PUDP: variants seen among roughly 807,000 people sequenced by gnomAD.
PUDP encodes pseudouridine 5'-phosphatase, also known as pseudouridine-5'-phosphatase.
In PUDP, 8 loss-of-function variants were observed where a neutral mutation model predicts 9.4. The ratio of observed to expected loss-of-function variants is 0.85; its 90% CI spans 0.50 to 1.53. The LOEUF is 1.53. PUDP is among the 40% of genes most tolerant of loss of function. PUDP has a pLI of 0.00. For missense variants in PUDP, 188 were observed against 189.7 expected, an observed-to-expected ratio of 0.99 and a Z score of 0.05; for synonymous variants, 99 against 80.7, an observed-to-expected ratio of 1.23 and a Z score of -1.22.
intron 3 of PUDP, among the ~76,000 whole-genome samples, chrX:6,906,050 C>G (rs12006856): frequency 1.8e-5 from 2 of 111,819 alleles, no homozygotes; most frequent in Non-Finnish European, 3.8e-5. Context: ...TCATCAAAAC[C>G]TTTTCATTAT....
intron 3 of PUDP, among the ~76,000 whole-genome samples, chrX:6,904,641 C>T (rs1047239723): frequency 9.0e-5 from 10 of 111,520 alleles, no homozygotes; most frequent in African/African-American, 2.6e-4. Context: ...AGAGGAGCTG[C>T]GGCATTTGGT....
chrX:6,978,484 A>G (rs1168161150), intron 1 of PUDP, among the ~76,000 whole-genome samples: 1 of 112,288 alleles, frequency 8.9e-6, no homozygotes, highest in Non-Finnish European at 1.9e-5. Context: ...TTTTTAATAC[A>G]TGTGTATCGT....
At chrX:6,907,014 C>G (rs1010044624) in intron 3 of PUDP, among the ~76,000 whole-genome samples, 1 of 111,051 alleles carries the variant, frequency 9.0e-6, no homozygotes, top group Non-Finnish European at 1.9e-5. Context: ...CCTCAGTTTA[C>G]TGGTCTCTAC....
intron 3 of PUDP, among the ~76,000 whole-genome samples, chrX:6,906,067 T>C (rs1421657570): frequency 8.9e-6 from 1 of 112,084 alleles, no homozygotes; most frequent in African/African-American, 3.2e-5. Context: ...TTATCTTCCA[T>C]GCGGCCCTAT....
At chrX:6,858,728 T>G (rs1004344810) in intron 3 of PUDP, among the ~76,000 whole-genome samples, 2 of 111,844 alleles carry the variant, frequency 1.8e-5, no homozygotes, top group Admixed American at 9.5e-5. Flanking sequence ...CCCCTGAATT[T>G]ATAGTAAGTT....
intron 3 of PUDP, among the ~76,000 whole-genome samples, chrX:6,750,696 A>G (rs946126633): frequency 1.8e-5 from 2 of 111,751 alleles, no homozygotes; most frequent in African/African-American, 6.5e-5. Context: ...TATAAGATGC[A>G]CTATCGGCTT....
intron 2 of PUDP, among the ~76,000 whole-genome samples, chrX:7,092,578 C>G (rs1427799544): frequency 8.9e-6 from 1 of 112,026 alleles, no homozygotes; most frequent in Non-Finnish European, 1.9e-5. Context: ...AGTCTACTCT[C>G]TAAGGAATCC....
intron 1 of PUDP, among the ~76,000 whole-genome samples, chrX:7,121,745 C>T (rs1932348537): frequency 9.0e-6 from 1 of 111,354 alleles, no homozygotes; most frequent in African/African-American, 3.3e-5. Context: ...GCCAGGGAAC[C>T]CCCTGCGACC....
intron 3 of PUDP, among the ~76,000 whole-genome samples, chrX:6,737,063 T>C (rs143039264): frequency 3.8e-4 from 42 of 110,349 alleles, no homozygotes; most frequent in African/African-American, 1.3e-3. Context: ...GACGAGACAA[T>C]GTAGAGAAAA....
chrX:6,876,417 CAT>C (rs769133510), intron 3 of PUDP, among the ~76,000 whole-genome samples: 1 of 110,467 alleles, frequency 9.1e-6, no homozygotes, highest in Non-Finnish European at 1.9e-5. Flanking sequence ...TGTGTGTGTG[CAT>C]GTGTGTGTGT....
chrX:7,048,478 G>A (rs990568765), downstream of PUDP, among the ~76,000 whole-genome samples: 4 of 112,295 alleles, frequency 3.6e-5, no homozygotes, highest in Non-Finnish European at 7.5e-5. Flanking sequence ...AAAAAAGAAC[G>A]TATGTGCTTT....
At chrX:6,905,594 T>G in intron 3 of PUDP, among the ~76,000 whole-genome samples, 1 of 110,625 alleles carries the variant, frequency 9.0e-6, no homozygotes. Context: ...ATAGGGGAAA[T>G]CCTCCCCCAT....
At chrX:6,991,813 AAAAT>A (rs1254929891) in intron 1 of PUDP, among the ~76,000 whole-genome samples, 3 of 111,820 alleles carry the variant, frequency 2.7e-5, no homozygotes, top group Non-Finnish European at 5.6e-5. Flanking sequence ...CAAAAAAAGA[AAAAT>A]AAATAAAAAG....
At position 6,937,037 on chromosome X, in the gene PUDP, G is replaced by A. The variant is rs1234723616; in HGVS notation, c.*247+40096C>T. 1.6e-3 allele frequency among the ~76,000 whole-genome samples: 168 copies of A among 105,397 alleles called. 1 individual carries two copies. The highest frequency in any genetic ancestry group is 4.1e-3 in the Admixed American group (39 of 9,411). The allele number at this position is 105,397 out of a possible 115,157, so 91.5% of individuals were successfully genotyped here. A position where few individuals can be genotyped will look rare whatever the true frequency, so the allele number is the denominator to read the frequency against. ...CTCATGAGTAGGAAGAATCAATATCGTGAAAATGGCCATACTGCCCAAGGT... is the reference window on the plus strand; with the variant it reads ...CTCATGAGTAGGAAGAATCAATATCATGAAAATGGCCATACTGCCCAAGGT... On this transcript the variant is annotated intron_variant and NMD_transcript_variant, in intron 3 of 3. Coordinates refer to the PUDP transcript ENST00000655425.
rs193238096 is a variant in PUDP, at chrX:6,892,698, T to C, written c.*247+84435A>G. Among the ~76,000 whole-genome samples, 143 of 111,427 alleles carry C rather than the reference T, an allele frequency of 1.3e-3. 1 individual carries two copies. Among genetic ancestry groups the C allele is most frequent in the African/African-American group, 4.4e-3 (135 of 30,712 alleles). ...CCTTCAGTGTGGCTGTATTTGGAGA[T>C]AGGGCCTATGAGAAAGTGATAAAGG... On this transcript the variant is annotated intron_variant and NMD_transcript_variant, in intron 3 of 3. Coordinates refer to the PUDP transcript ENST00000655425.
chrX:6,933,066 A>T (rs1413358810), intron 3 of PUDP, among the ~76,000 whole-genome samples: 3 of 110,831 alleles, frequency 2.7e-5, no homozygotes, highest in African/African-American at 9.8e-5. Flanking sequence ...AAAAGACAGC[A>T]GTAACCTCTG....
rs765474826 is a variant in PUDP, at chrX:6,719,413, G to T, written n.128+2004C>A. On this transcript the variant is annotated intron_variant and non_coding_transcript_variant, in intron 1 of 2. Coordinates refer to the PUDP transcript ENST00000438499. Reference sequence around the variant, plus strand: ...GTAGGGCTTCAACATATGAATTTTGGGGAAACACAGCTCAGTCCATAGAAA... The same window carrying T: ...GTAGGGCTTCAACATATGAATTTTGTGGAAACACAGCTCAGTCCATAGAAA... Among the ~76,000 whole-genome samples, 4 of 111,979 alleles carry T rather than the reference G, an allele frequency of 3.6e-5. No individual in the cohort carries two copies. In the East Asian group the frequency reaches 1.1e-3, roughly 32 times the overall value.
At chrX:6,853,455 T>TGTG (rs1569111263) in intron 3 of PUDP, among the ~76,000 whole-genome samples, 2 of 94,548 alleles carry the variant, frequency 2.1e-5, no homozygotes, top group Admixed American at 1.3e-4. Flanking sequence ...TTGTGTGTGT[T>TGTG]TTTTTTTTTA....
intron 3 of PUDP, among the ~76,000 whole-genome samples, chrX:6,877,375 A>G (rs949025539): frequency 3.6e-5 from 4 of 112,138 alleles, no homozygotes; most frequent in African/African-American, 1.3e-4. Flanking sequence ...AGAAATAGAA[A>G]GGCTACAACA....
Sources: allele counts gnomAD v4.1 joint callset (sites outside exome capture counted in the v4.1 genomes callset), GRCh38; gene constraint gnomAD v4.1.1; transcripts MANE v1.5; gene names NCBI Gene and HGNC (gene_info 2026-07-23, HGNC 2026-07-21).